The following PARD3B variants were observed in gnomAD, a reference collection of about 807,000 sequenced individuals.
PARD3B encodes par-3 family cell polarity regulator beta.
A neutral mutation model predicts 130.2 loss-of-function variants in PARD3B; 103 were observed. The ratio of observed to expected loss-of-function variants is 0.79; its 90% confidence interval spans 0.67 to 0.93. The LOEUF (loss-of-function observed/expected upper bound fraction) is 0.93. Ranked by LOEUF, PARD3B falls within the 40% of genes least tolerant of loss-of-function variation. The pLI, the probability that PARD3B is intolerant of heterozygous loss-of-function variation, is 0.00. For missense variants in PARD3B, 1,609 were observed against 1,499.2 expected (o/e 1.07, Z -1.21); for synonymous variants, 583 against 553.2 (o/e 1.05, Z -0.76).
rs533242459 is a variant in PARD3B, at chr2:205,551,453, C to A, written c.3181-1871C>A. On this transcript the variant is annotated intron_variant, in intron 21 of 22. Coordinates refer to ENST00000406610, the MANE Select transcript of PARD3B (RefSeq NM_001302769.2). The stretch of plus-strand genomic sequence containing the variant: ...GGCTTTTATCCTACTGCAGAGAATT[C>A]TCAATCTCTCTGTCTGTGATTGCTT... Among the ~76,000 whole-genome samples the A allele has an allele frequency of 2.2e-3, 341 of 151,756 alleles. 2 individuals are homozygous for A. Among genetic ancestry groups the A allele is most frequent in the African/African-American group, 8.0e-3 (331 of 41,392 alleles).
chr2:205,400,934 C>T (rs565642001), intron 18 of PARD3B, 79 bp from the exon 19 acceptor site: 2 of 980,548 alleles, frequency 2.0e-6, no homozygotes, highest in East Asian at 2.6e-5. Context: ...ACTTAATGAG[C>T]TCATCCCATA....
chr2:204,670,986 C>G (rs1377016206), intron 1 of PARD3B, among the ~76,000 whole-genome samples: 1 of 152,096 alleles, frequency 6.6e-6, no homozygotes, highest in Admixed American at 6.5e-5. Flanking sequence ...TCTTCATTGT[C>G]CTGATCACAT....
chr2:204,837,264 A>T (rs13024041), intron 2 of PARD3B, among the ~76,000 whole-genome samples: 28,836 of 152,112 alleles, frequency 0.19, 3,348 homozygotes, highest in Non-Finnish European at 0.27. Context: ...TTCAAAGTAT[A>T]CTTTTTACAA....
rs1194406073 is a variant in PARD3B, at chr2:205,158,721, G to A, written c.1435-1G>A. On this transcript the variant is annotated splice_acceptor_variant, in intron 10 of 22. Transcript: ENST00000406610. LOFTEE classifies it high-confidence loss of function. The surrounding 1 kb of genome is among the most constrained non-coding windows in gnomAD (Gnocchi z 5.4). ...TCTTTTCATGTGTATTCCCCTAACA[G>A]AAAGGAGAACCTGACTGCTGTGCAC... 4 of 1,608,112 alleles carry A rather than the reference G, an allele frequency of 2.5e-6. No homozygotes were observed. Among genetic ancestry groups the A allele is most frequent in the Admixed American group, 1.7e-5 (1 of 58,192 alleles).
intron 18 of PARD3B, among the ~76,000 whole-genome samples, chr2:205,357,973 A>G (rs2044256157): frequency 1.3e-5 from 2 of 152,196 alleles, no homozygotes; most frequent in Admixed American, 1.3e-4. Flanking sequence ...CCACAGAATC[A>G]CCTGGTGAAC....
chr2:205,466,317 A>G (rs2048622109), intron 20 of PARD3B, among the ~76,000 whole-genome samples: 1 of 152,226 alleles, frequency 6.6e-6, no homozygotes, highest in South Asian at 2.1e-4. Context: ...GAGAAATCCC[A>G]TTCCTCTGCA....
chr2:205,087,035 TTAA>T (rs1371949085), intron 4 of PARD3B, among the ~76,000 whole-genome samples: 1 of 152,230 alleles, frequency 6.6e-6, no homozygotes, highest in African/African-American at 2.4e-5. Flanking sequence ...CCAAGTGTGT[TTAA>T]CAGTTCATAT....
At chr2:205,508,933 T>A (rs1467900831) in intron 21 of PARD3B, among the ~76,000 whole-genome samples, 1 of 151,960 alleles carries the variant, frequency 6.6e-6, no homozygotes, top group Non-Finnish European at 1.5e-5. Context: ...GAAAAAAAAT[T>A]GAGAAAAGAA....
chr2:205,100,543 T>C (rs1308109055), intron 4 of PARD3B, among the ~76,000 whole-genome samples: 1 of 151,184 alleles, frequency 6.6e-6, no homozygotes, highest in African/African-American at 2.4e-5. Context: ...TCTTGAAAAA[T>C]AAGAACGAAT....
At chr2:205,576,037 G>A (rs191705183) in intron 22 of PARD3B, among the ~76,000 whole-genome samples, 5 of 152,276 alleles carry the variant, frequency 3.3e-5, no homozygotes, top group African/African-American at 2.4e-5. Flanking sequence ...TCAGCATTTG[G>A]TGTTGTCAGT....
In PARD3B at chr2:205,187,006, G is replaced by C. The variant is rs2036141112; in HGVS notation, c.2024+1143G>C. Among the ~76,000 whole-genome samples, 1 of 152,186 alleles carries C rather than the reference G, an allele frequency of 6.6e-6. No individual in the cohort carries two copies. Among genetic ancestry groups the C allele is most frequent in the South Asian group, 2.1e-4 (1 of 4,830 alleles). Reference sequence around the variant, plus strand: ...CAAAGCTGAATCAGATATAAACCCTGTCTTCAGGAAGCTGGTAGGCTGACA... The same window carrying C: ...CAAAGCTGAATCAGATATAAACCCTCTCTTCAGGAAGCTGGTAGGCTGACA... On this transcript the variant is annotated intron_variant, in intron 14 of 22. Coordinates refer to ENST00000406610, the MANE Select transcript of PARD3B (RefSeq NM_001302769.2). This position sits in a 1 kb window ranked among gnomAD's most constrained non-coding sequence, Gnocchi z 4.9.
Position 204,545,952 on chromosome 2 carries a change from G to A in PARD3B, c.-48G>A. 2 of 1,495,696 alleles carry A rather than the reference G, an allele frequency of 1.3e-6. No individual in the cohort carries two copies. Among genetic ancestry groups the A allele is most frequent in the East Asian group, 2.7e-5 (1 of 37,514 alleles). The allele number at this position is 1,495,696 out of a possible 1,614,324, so 92.7% of individuals were successfully genotyped here. ...CCGAGAGTGGGGGCTGCGCCCGCGG[G>A]GTCAGACACCTGTTCGGCCCGGCCC... On this transcript the variant is annotated 5_prime_UTR_variant, in exon 1 of 23. Coordinates refer to ENST00000406610, the MANE Select transcript of PARD3B (RefSeq NM_001302769.2).
intron 2 of PARD3B, among the ~76,000 whole-genome samples, chr2:204,754,194 G>A (rs2040575621): frequency 6.6e-6 from 1 of 152,138 alleles, no homozygotes; most frequent in Non-Finnish European, 1.5e-5. Context: ...TATTCTACCA[G>A]GGCTCAGCAA....
intron 18 of PARD3B, among the ~76,000 whole-genome samples, chr2:205,379,434 G>A (rs975299576): frequency 3.9e-5 from 6 of 151,900 alleles, no homozygotes; most frequent in South Asian, 2.1e-4. Flanking sequence ...ATGTACCCAT[G>A]TTCCATGATT....
At chr2:205,362,523 C>A (rs1015902452) in intron 18 of PARD3B, among the ~76,000 whole-genome samples, 1 of 152,136 alleles carries the variant, frequency 6.6e-6, no homozygotes, top group Non-Finnish European at 1.5e-5. Flanking sequence ...AATGAAAATG[C>A]CCCCAGCTCC....
At chr2:205,305,966 T>G (rs998568086) in intron 18 of PARD3B, among the ~76,000 whole-genome samples, 2 of 152,166 alleles carry the variant, frequency 1.3e-5, no homozygotes, top group African/African-American at 4.8e-5. Context: ...GCGGGTGGAA[T>G]TAAGGTTGTT....
intron 3 of PARD3B, among the ~76,000 whole-genome samples, chr2:205,033,535 T>C (rs1697575703): frequency 6.6e-6 from 1 of 152,176 alleles, no homozygotes; most frequent in Non-Finnish European, 1.5e-5. Flanking sequence ...AGTCATTTAG[T>C]GCATGCCTAT....
chr2:204,585,032 G>C (rs1389125879), intron 1 of PARD3B, among the ~76,000 whole-genome samples: 2 of 152,202 alleles, frequency 1.3e-5, no homozygotes, highest in East Asian at 3.9e-4. Flanking sequence ...AGGGAGCTAG[G>C]ACCAAGATGG....
intron 2 of PARD3B, among the ~76,000 whole-genome samples, chr2:204,698,447 A>G (rs1387044850): frequency 6.6e-6 from 1 of 152,114 alleles, no homozygotes; most frequent in Non-Finnish European, 1.5e-5. Context: ...TTTGGTTTGC[A>G]TGGCTTAGAT....
Sources: allele counts gnomAD v4.1 joint callset (sites outside exome capture counted in the v4.1 genomes callset), GRCh38; gene constraint gnomAD v4.1.1; non-coding constraint Gnocchi (gnomAD v3.1); transcripts MANE v1.5; gene names NCBI Gene and HGNC (gene_info 2026-07-23, HGNC 2026-07-21).